Variants in RBFOX3 observed in about 807,000 individuals in gnomAD.
RBFOX3 encodes RNA binding protein fox-1 homolog 3.
In RBFOX3, 17 loss-of-function variants were observed where a neutral mutation model predicts 48.7. The ratio of observed to expected loss-of-function variants is 0.35; its 90% CI spans 0.24 to 0.52. The LOEUF (loss-of-function observed/expected upper bound fraction) is 0.52, where lower values mean the gene tolerates loss of function less well. RBFOX3 is among the 20% of genes least tolerant of loss of function. The pLI, the probability that RBFOX3 is intolerant of heterozygous loss-of-function variation, is 0.94. For synonymous variants in RBFOX3, 212 were observed against 209.5 expected (o/e 1.01, Z -0.10); for missense variants, 382 against 497.5 (o/e 0.77, Z 2.21).
intron 3 of RBFOX3, among the ~76,000 whole-genome samples, chr17:79,272,875 G>A (rs1257034649): frequency 3.3e-5 from 5 of 152,076 alleles, no homozygotes; most frequent in Admixed American, 1.3e-4. Flanking sequence ...TCTTCCCGAT[G>A]TGCCAGCTGT....
At chr17:79,426,394 T>C (rs529895875) in intron 2 of RBFOX3, among the ~76,000 whole-genome samples, 1 of 152,300 alleles carries the variant, frequency 6.6e-6, no homozygotes, top group East Asian at 1.9e-4. Context: ...ACAACCCACA[T>C]TCTAAACTGG....
intron 2 of RBFOX3, among the ~76,000 whole-genome samples, chr17:79,461,602 C>G (rs146794375): frequency 3.6e-4 from 55 of 152,340 alleles, no homozygotes; most frequent in African/African-American, 1.3e-3. Flanking sequence ...CCATGGTGAG[C>G]ATCACTTACT....
chr17:79,612,275 C>T (rs949111479), upstream of RBFOX3, among the ~76,000 whole-genome samples: 1 of 152,230 alleles, frequency 6.6e-6, no homozygotes, highest in Non-Finnish European at 1.5e-5. Flanking sequence ...AAACCCGTCC[C>T]CATGTCACTT....
intron 2 of RBFOX3, among the ~76,000 whole-genome samples, chr17:79,386,274 A>G (rs569540707): frequency 6.6e-6 from 1 of 150,714 alleles, no homozygotes; most frequent in East Asian, 2.0e-4. Flanking sequence ...GGGCTCCATC[A>G]CCTCCCACAG....
chr17:79,578,823 T>C (rs2092948998), intron 1 of RBFOX3, among the ~76,000 whole-genome samples: 1 of 152,216 alleles, frequency 6.6e-6, no homozygotes, highest in Admixed American at 6.5e-5. Flanking sequence ...CATTCCAGAA[T>C]TCCACCATTC....
intron 1 of RBFOX3, among the ~76,000 whole-genome samples, chr17:79,581,925 T>C (rs1444091215): frequency 6.6e-6 from 1 of 152,240 alleles, no homozygotes; most frequent in Non-Finnish European, 1.5e-5. Context: ...CTCACGCCTG[T>C]GTGTGCCTGT....
At chr17:79,602,340 G>A (rs958434920) in intron 1 of RBFOX3, among the ~76,000 whole-genome samples, 1 of 152,170 alleles carries the variant, frequency 6.6e-6, no homozygotes, top group African/African-American at 2.4e-5. Flanking sequence ...ATAATGTTAC[G>A]CCACTGACAA....
chr17:79,132,510 C>T (rs905119243), intron 4 of RBFOX3, among the ~76,000 whole-genome samples: 1 of 152,150 alleles, frequency 6.6e-6, no homozygotes, highest in South Asian at 2.1e-4. Context: ...CCCTCGGAGC[C>T]AACAGGAAAC....
intron 4 of RBFOX3, among the ~76,000 whole-genome samples, chr17:79,216,794 C>G (rs2059112536): frequency 6.6e-6 from 1 of 152,132 alleles, no homozygotes; most frequent in South Asian, 2.1e-4. Context: ...ACCTGAGGCT[C>G]AGAGAGACTT....
At position 79,549,162 on chromosome 17, in the gene RBFOX3, C is replaced by T. The variant is rs138909167; in HGVS notation, c.-320+61664G>A. ...TCCAGGAAGGCTAGGGAAAGCCTTG[C>T]CAGCAAGTGACAGCCACACAGCCTC... is the stretch of plus-strand genomic sequence containing the variant. On this transcript the variant is annotated intron_variant, in intron 1 of 14. Transcript: ENST00000693108. 4.4e-3 allele frequency among the ~76,000 whole-genome samples: 663 copies of T among 152,334 alleles called. 5 individuals are homozygous for T. Among genetic ancestry groups the T allele is most frequent in the African/African-American group, 0.015 (631 of 41,578 alleles).
intron 3 of RBFOX3, among the ~76,000 whole-genome samples, chr17:79,257,966 CGG>C (rs997957445): frequency 8.4e-4 from 128 of 152,208 alleles, no homozygotes; most frequent in African/African-American, 2.9e-3. Context: ...CTTGTGGGGA[CGG>C]GGGTCTCAAA....
At chr17:79,095,615 TG>T (rs1384443799) in intron 12 of RBFOX3, 41 bp from the exon 13 acceptor site, 12 of 1,526,146 alleles carry the variant, frequency 7.9e-6, no homozygotes, top group Non-Finnish European at 1.1e-5. Context: ...AGGGACTTAG[TG>T]GGGCTCCCCA....
At chr17:79,114,980 G>C (rs532670295) in intron 5 of RBFOX3, among the ~76,000 whole-genome samples, 2 of 152,348 alleles carry the variant, frequency 1.3e-5, no homozygotes, top group South Asian at 4.1e-4. Context: ...CATAATTGAA[G>C]CTATCTGATT....
chr17:79,116,189 A>T (rs1372789732), intron 4 of RBFOX3, among the ~76,000 whole-genome samples: 1 of 152,204 alleles, frequency 6.6e-6, no homozygotes, highest in Non-Finnish European at 1.5e-5. Context: ...ATGGATTCAC[A>T]CAACACACAG....
At chr17:79,440,473 G>A (rs1485469614) in intron 2 of RBFOX3, among the ~76,000 whole-genome samples, 4 of 152,234 alleles carry the variant, frequency 2.6e-5, no homozygotes, top group Admixed American at 6.5e-5. Context: ...TGGGCCGGCC[G>A]AAGCCCAGAC....
intron 4 of RBFOX3, among the ~76,000 whole-genome samples, chr17:79,210,013 G>GA (rs1250447576): frequency 1.4e-4 from 17 of 124,052 alleles, no homozygotes; most frequent in African/African-American, 4.6e-4. Context: ...AAAAAAAAAA[G>GA]AAAGAAAAGA....
At chr17:79,297,782 TG>T (rs1261934863) in intron 3 of RBFOX3, among the ~76,000 whole-genome samples, 2 of 152,210 alleles carry the variant, frequency 1.3e-5, no homozygotes, top group Non-Finnish European at 2.9e-5. Context: ...CAGGAGCAGA[TG>T]GGGTGACTGA....
chr17:79,333,893 G>T (rs1720266577), intron 2 of RBFOX3, among the ~76,000 whole-genome samples: 1 of 151,986 alleles, frequency 6.6e-6, no homozygotes. Context: ...CCCTCTCCCA[G>T]ATGCCGAGGT....
At chr17:79,209,754 G>A (rs916071526) in intron 4 of RBFOX3, among the ~76,000 whole-genome samples, 1 of 152,216 alleles carries the variant, frequency 6.6e-6, no homozygotes, top group African/African-American at 2.4e-5. Context: ...AGCACTTTGG[G>A]AGGCGGAGGC....
Sources: allele counts gnomAD v4.1 joint callset (sites outside exome capture counted in the v4.1 genomes callset), GRCh38; gene constraint gnomAD v4.1.1; transcripts MANE v1.5; gene names NCBI Gene and HGNC (gene_info 2026-07-23, HGNC 2026-07-21).